PTPRO: variants seen among roughly 807,000 people sequenced by gnomAD.
PTPRO encodes the protein protein tyrosine phosphatase receptor type O, also known as receptor-type tyrosine-protein phosphatase O.
PTPRO carries 62 observed loss-of-function variants against 145.2 expected under a neutral mutation model. That is an observed-to-expected ratio of 0.43 (90% CI 0.35 to 0.53). The LOEUF (loss-of-function observed/expected upper bound fraction) is 0.53, where lower values mean the gene tolerates loss of function less well. Ranked by LOEUF, PTPRO falls within the 20% of genes least tolerant of loss-of-function variation. PTPRO has a pLI of 0.01. For synonymous variants in PTPRO, 565 were observed against 514.7 expected, an observed-to-expected ratio of 1.10 and a Z score of -1.32; for missense variants, 1,345 against 1,482.7, an observed-to-expected ratio of 0.91 and a Z score of 1.53.
At chr12:15,416,445 G>A (rs759271307) in intron 1 of PTPRO, among the ~76,000 whole-genome samples, 1 of 150,682 alleles carries the variant, frequency 6.6e-6, no homozygotes, top group East Asian at 1.9e-4. Context: ...TCAGCCTCCC[G>A]AGTAGCTGGG....
chr12:15,399,908 G>T (rs567290786), intron 1 of PTPRO, among the ~76,000 whole-genome samples: 3 of 151,126 alleles, frequency 2.0e-5, no homozygotes, highest in Non-Finnish European at 4.4e-5. Flanking sequence ...AAAATTAGAC[G>T]GGCGTGTTGG....
At chr12:15,508,158 G>A (rs1942361123) in intron 6 of PTPRO, among the ~76,000 whole-genome samples, 1 of 152,210 alleles carries the variant, frequency 6.6e-6, no homozygotes, top group Admixed American at 6.5e-5. Context: ...CAGGGTAGTA[G>A]TCGAGGCTGA....
intron 1 of PTPRO, among the ~76,000 whole-genome samples, chr12:15,479,682 C>T (rs1198301179): frequency 1.3e-5 from 2 of 152,168 alleles, no homozygotes; most frequent in Non-Finnish European, 2.9e-5. Flanking sequence ...TTTCTCTCCC[C>T]CAGCACAGGT....
chr12:15,466,323 A>G (rs1289271244), intron 1 of PTPRO, among the ~76,000 whole-genome samples: 1 of 152,192 alleles, frequency 6.6e-6, no homozygotes, highest in African/African-American at 2.4e-5. Flanking sequence ...AATCATTCTG[A>G]TTCAGTTATG....
chr12:15,390,498 G>T (rs995607208), intron 1 of PTPRO, among the ~76,000 whole-genome samples: 3 of 152,074 alleles, frequency 2.0e-5, no homozygotes, highest in Admixed American at 6.5e-5. Flanking sequence ...CACGAGAATA[G>T]CATGGGAAAG....
In PTPRO at chr12:15,520,299, C is replaced by G. The variant is rs746518915; in HGVS notation, c.1878C>G (p.Ile626Met). The change falls in exon 10 of 27, where the codon ATC becomes ATG. Residue 626 changes from isoleucine (I) to methionine (M), a missense_variant. Ile to Met is a conservative substitution (Grantham distance 10). This residue lies in a region of PTPRO where 1,130 missense variants were observed against 1,214.7 expected (regional missense o/e 0.93). Transcript: ENST00000281171. ...PELSCCDSSTISFITAPVAPE... is the reference protein window; with the variant it reads ...PELSCCDSSTMSFITAPVAPE... ...TGAGCTGCTGTGACAGCTCTACCAT[C>G]AGCTTCATAACAGGTGAGGCATGTG... 53 of 1,611,438 alleles carry G rather than the reference C, an allele frequency of 3.3e-5. No homozygotes were observed. The highest frequency in any genetic ancestry group is 4.3e-5 in the Non-Finnish European group (51 of 1,177,776).
chr12:15,465,212 A>G (rs1182317515), intron 1 of PTPRO, among the ~76,000 whole-genome samples: 1 of 152,208 alleles, frequency 6.6e-6, no homozygotes, highest in Non-Finnish European at 1.5e-5. Flanking sequence ...ATAAAACATA[A>G]ATATCATATT....
chr12:15,436,908 A>G (rs1308478800), intron 1 of PTPRO, among the ~76,000 whole-genome samples: 1 of 152,114 alleles, frequency 6.6e-6, no homozygotes, highest in Non-Finnish European at 1.5e-5. Flanking sequence ...TCTTCTGAGC[A>G]GCAAGACTTG....
chr12:15,341,133 A>G (rs996920834), intron 1 of PTPRO, among the ~76,000 whole-genome samples: 1 of 152,114 alleles, frequency 6.6e-6, no homozygotes, highest in Non-Finnish European at 1.5e-5. Flanking sequence ...TTTTCTTTTT[A>G]TTTAATTTAT....
At chr12:15,389,878 A>G (rs550220590) in intron 1 of PTPRO, among the ~76,000 whole-genome samples, 3 of 152,332 alleles carry the variant, frequency 2.0e-5, no homozygotes, top group South Asian at 4.1e-4. Flanking sequence ...AGAGTCTCCA[A>G]ATGAAAGTTT....
chr12:15,380,290 T>C (rs1938817814), intron 1 of PTPRO, among the ~76,000 whole-genome samples: 1 of 152,004 alleles, frequency 6.6e-6, no homozygotes, highest in African/African-American at 2.4e-5. Flanking sequence ...AAAATAATAG[T>C]CAGGGACAAT....
chr12:15,571,078 G>C (rs981592599), intron 19 of PTPRO, among the ~76,000 whole-genome samples: 1 of 152,164 alleles, frequency 6.6e-6, no homozygotes, highest in Non-Finnish European at 1.5e-5. Flanking sequence ...CAAAGAAAAG[G>C]TTGAGTAGCT....
At chr12:15,433,180 T>C (rs895916401) in intron 1 of PTPRO, among the ~76,000 whole-genome samples, 1 of 148,838 alleles carries the variant, frequency 6.7e-6, no homozygotes, top group Non-Finnish European at 1.5e-5. Flanking sequence ...GCTTTTTTTT[T>C]TTTTTTTTTT....
rs1422502203 is a variant in PTPRO, at chr12:15,581,914, A to C, written c.3255+113A>C. 4 of 1,377,716 alleles carry C rather than the reference A, an allele frequency of 2.9e-6. No homozygotes were observed. The East Asian group carries it at 7.3e-5, about 25-fold the overall frequency. The allele number at this position is 1,377,716 out of a possible 1,614,324, so 85.3% of individuals were successfully genotyped here. On this transcript the variant is annotated intron_variant, in intron 23 of 26. Coordinates refer to ENST00000281171, the MANE Select transcript of PTPRO (RefSeq NM_030667.3). ...CTAGAGGAATTACAGACACACACAC[A>C]AAAATATCGAGTGTGGAGTGGGAAA...
intron 12 of PTPRO, among the ~76,000 whole-genome samples, chr12:15,536,341 A>T (rs1943064862): frequency 6.6e-6 from 1 of 152,224 alleles, no homozygotes; most frequent in Admixed American, 6.5e-5. Context: ...TGTTTGAGTC[A>T]GAGCCTAAAG....
chr12:15,360,563 C>T (rs970477005), intron 1 of PTPRO, among the ~76,000 whole-genome samples: 15 of 151,846 alleles, frequency 9.9e-5, no homozygotes, highest in Non-Finnish European at 1.3e-4. Context: ...CGGTTTGAGC[C>T]ACCTGAATTT....
Position 15,516,631 on chromosome 12 carries a change from AAGGAAGGG to A in PTPRO, c.1586-128_1586-121del, listed in dbSNP as rs1159464473. On this transcript the variant is annotated intron_variant, in intron 8 of 26. Transcript: ENST00000281171. Reference sequence around the variant, plus strand: ...AAAGGGAGGAAGGAAGGAAGGAAGGAAGGAAGGGAGGGAGGGAGGTAGGTATTGTATCA... The same window carrying A: ...AAAGGGAGGAAGGAAGGAAGGAAGGAAGGGAGGGAGGTAGGTATTGTATCA... The A allele has an allele frequency of 1.1e-4, 78 of 703,534 alleles. No homozygotes were observed. The African/African-American group carries it at 1.6e-3, about 15-fold the overall frequency. 43.6% of individuals were successfully genotyped at this position (703,534 alleles called of 1,614,324 possible). A position where few individuals can be genotyped will look rare whatever the true frequency, so the allele number is the denominator to read the frequency against.
chr12:15,554,693 G>A (rs1943571183), intron 15 of PTPRO, among the ~76,000 whole-genome samples: 1 of 152,094 alleles, frequency 6.6e-6, no homozygotes, highest in Non-Finnish European at 1.5e-5. Flanking sequence ...CAGCTGGTTA[G>A]ATTGTGCCCA....
intron 3 of PTPRO, among the ~76,000 whole-genome samples, 178 bp downstream of exon 3, chr12:15,497,581 C>T (rs1942133614): frequency 6.6e-6 from 1 of 152,198 alleles, no homozygotes; most frequent in African/African-American, 2.4e-5. Flanking sequence ...CCTAGAACAT[C>T]TGGTTCATTA....
Sources: gnomAD v4.1 joint callset for allele counts (sites outside exome capture counted in the v4.1 genomes callset) on GRCh38, gnomAD v4.1.1 for gene constraint, gnomAD v4.1.1 regional missense constraint, MANE v1.5 for transcripts, NCBI Gene and HGNC (gene_info 2026-07-23, HGNC 2026-07-21) for gene names.